Variants in BTNL2 observed in about 807,000 individuals in gnomAD.
BTNL2 encodes the protein butyrophilin like 2, also known as butyrophilin-like protein 2.
In BTNL2, 46 loss-of-function variants were observed where a neutral mutation model predicts 46.8. The observed-to-expected ratio is 0.98, with a 90% CI of 0.78 to 1.26. The LOEUF is 1.26. Ranked by LOEUF, BTNL2 falls within the 50% of genes most tolerant of loss-of-function variation. The probability of loss-of-function intolerance (pLI) is 0.00; values close to 1 mark genes in which losing one functional copy is unlikely to be tolerated. For synonymous variants in BTNL2, 226 were observed against 229.1 expected, an observed-to-expected ratio of 0.99 and a Z score of 0.12; for missense variants, 461 against 592.6, an observed-to-expected ratio of 0.78 and a Z score of 2.31.
chr6:32,396,142 G>C lies in BTNL2; in HGVS notation c.975C>G (p.Thr325=), dbSNP rs1465468807. Residue 325 remains threonine (T), a synonymous_variant, in exon 5 of 8, where the codon ACC becomes ACG. Transcript: ENST00000454136. The surrounding 1 kb of genome is among the most constrained non-coding windows in gnomAD (Gnocchi z 4.4). ...VSDAIDEGRL[T]LQILSARPSD... is the part of the protein sequence containing the mutation. Reference sequence around the variant, plus strand: ...AAGGTCTGGCACTGAGTATCTGCAGGGTCAGTCTGCCCTCGTCAATGGCGT... The same window carrying C: ...AAGGTCTGGCACTGAGTATCTGCAGCGTCAGTCTGCCCTCGTCAATGGCGT... 6.2e-7 allele frequency: 1 copy of C among 1,613,034 alleles called. No homozygotes were observed. The highest frequency in any genetic ancestry group is 1.7e-5 in the Admixed American group (1 of 60,014).
At chr6:32,405,809 TTTTTTTTTG>T (rs1179093568) in intron 1 of BTNL2, among the ~76,000 whole-genome samples, 78 of 83,896 alleles carry the variant, frequency 9.3e-4, no homozygotes, top group African/African-American at 3.2e-3. Context: ...TAAAAACTGT[TTTTTTTTTG>T]TTTTTTTTTT....
At position 32,399,482 on chromosome 6, in the gene BTNL2, T is replaced by G. The variant is rs2294884; in HGVS notation, c.730+2303A>C. Among the ~76,000 whole-genome samples, 27,063 of 152,132 alleles carry G rather than the reference T, an allele frequency of 0.18. 2,691 individuals are homozygous for G. The highest frequency in any genetic ancestry group is 0.22 in the East Asian group (1,113 of 5,176). On this transcript the variant is annotated intron_variant, in intron 4 of 7. Transcript: ENST00000454136. This position sits in a 1 kb window ranked among gnomAD's most constrained non-coding sequence, Gnocchi z 5.2. ...AATCTCTTAGAACTGGACACTACAT[T>G]AGAGATTAAATTCAACCTGTTCACT...
At chr6:32,397,431 AC>A (rs1185907510) in intron 4 of BTNL2, among the ~76,000 whole-genome samples, 26 of 152,252 alleles carry the variant, frequency 1.7e-4, no homozygotes, top group East Asian at 3.9e-4. Context: ...ATGCTGTCTG[AC>A]CAAATTGCTG....
intron 2 of BTNL2, 90 bp from the exon 3 acceptor site, chr6:32,403,306 G>A: frequency 7.0e-7 from 1 of 1,424,494 alleles, no homozygotes; most frequent in Non-Finnish European, 9.4e-7. Flanking sequence ...CTCACAGGGA[G>A]GTGGCCGGAG....
rs1194748271 is a variant in BTNL2 at position 32,396,974 on chromosome 6, T to C, written c.731-588A>G. Reference sequence around the variant, plus strand: ...CAGGCTGGGTGACAAAGCGAGACTTTAAAAACAAACAAACAAAAAACACCC... The same window carrying C: ...CAGGCTGGGTGACAAAGCGAGACTTCAAAAACAAACAAACAAAAAACACCC... On this transcript the variant is annotated intron_variant, in intron 4 of 7. Coordinates refer to ENST00000454136, the MANE Select transcript of BTNL2 (RefSeq NM_001304561.2). This position sits in a 1 kb window ranked among gnomAD's most constrained non-coding sequence, Gnocchi z 4.4. 6.7e-6 allele frequency among the ~76,000 whole-genome samples: 1 copy of C among 148,452 alleles called. No individual in the cohort carries two copies. Among genetic ancestry groups the C allele is most frequent in the Non-Finnish European group, 1.5e-5 (1 of 67,264 alleles).
At chr6:32,406,741 C>CTTTTTTTT in intron 1 of BTNL2, 1 of 200,722 alleles carries the variant, frequency 5.0e-6, no homozygotes, top group East Asian at 1.1e-4. Context: ...GATTCAAGTG[C>CTTTTTTTT]TTTTAATGTC....
At position 32,402,959 on chromosome 6, in the gene BTNL2, T is replaced by A; in HGVS notation, c.685A>T (p.Lys229Ter). The A allele has an allele frequency of 6.2e-7, 1 of 1,612,904 alleles. No individual in the cohort carries two copies. ...CCTGGGAGGCTGATGACCGACCCCTTCTCCTCAGTGAGGACGGGGTTGTGG... is the reference window on the plus strand; with the variant it reads ...CCTGGGAGGCTGATGACCGACCCCTACTCCTCAGTGAGGACGGGGTTGTGG... ...LVHNPVLTEE[K>*]GSVISLPEKL... The change falls in exon 3 of 8, where the codon AAG (lysine) becomes TAG (stop). Residue 229 changes from lysine (K) to a stop codon, truncating the protein, a stop_gained. Coordinates refer to ENST00000454136, the MANE Select transcript of BTNL2 (RefSeq NM_001304561.2). LOFTEE classifies it high-confidence loss of function.
At chr6:32,395,068 G>A (rs929482499) in intron 5 of BTNL2, 43 bp from the exon 6 acceptor site, 2 of 1,514,752 alleles carry the variant, frequency 1.3e-6, no homozygotes, top group Admixed American at 4.3e-5. Flanking sequence ...CCTTTCAAGT[G>A]GATGAGTGGG....
rs537849709 is a variant in BTNL2 at position 32,401,024 on chromosome 6, C to T, written c.730+761G>A. 8.0e-5 allele frequency among the ~76,000 whole-genome samples: 11 copies of T among 137,178 alleles called. 1 individual carries two copies. The highest frequency in any genetic ancestry group is 7.5e-3 in the Middle Eastern group (2 of 266). The allele number at this position is 137,178 out of a possible 152,430, so 90.0% of individuals were successfully genotyped here. On this transcript the variant is annotated intron_variant, in intron 4 of 7. Coordinates refer to ENST00000454136, the MANE Select transcript of BTNL2 (RefSeq NM_001304561.2). ...GAGATCGAGACCATCCTGGCTAACA[C>T]GGTGAAATCTCGTCTCTACTAAAAA...
chr6:32,400,783 C>T (rs9268486), intron 4 of BTNL2, among the ~76,000 whole-genome samples: 37,431 of 114,766 alleles, frequency 0.33, 8,094 homozygotes, highest in Non-Finnish European at 0.38. Flanking sequence ...TGTGGTGGCG[C>T]ATGCCTGTAG....
chr6:32,398,681 C>A (rs1395793812), intron 4 of BTNL2, among the ~76,000 whole-genome samples: 1 of 152,152 alleles, frequency 6.6e-6, no homozygotes, highest in Admixed American at 6.5e-5. Flanking sequence ...AACTGGCTTG[C>A]CCTGCCTGAC....
chr6:32,405,879 T>C (rs1777118018), intron 1 of BTNL2, among the ~76,000 whole-genome samples: 1 of 152,090 alleles, frequency 6.6e-6, no homozygotes, highest in African/African-American at 2.4e-5. Context: ...ACTGGGACTA[T>C]GTACAATGCA....
At chr6:32,397,114 GCA>G (rs9279629) in intron 4 of BTNL2, among the ~76,000 whole-genome samples, 36,208 of 151,942 alleles carry the variant, frequency 0.24, 4,508 homozygotes, top group Admixed American at 0.29. Flanking sequence ...AACTTAGGTT[GCA>G]GTTTGTTACA....
chr6:32,396,076 A>G lies in BTNL2; in HGVS notation c.1041T>C (p.Asp347=). The G allele has an allele frequency of 6.2e-7, 1 of 1,613,048 alleles. No homozygotes were observed. The highest frequency in any genetic ancestry group is 2.2e-5 in the East Asian group (1 of 44,886). ...GATCCAAACTGGCCTCCTGGTAGAC[A>G]TCATCTTTTTCAAAAAGGCAGCGGT... is the stretch of plus-strand genomic sequence containing the variant. ...GQYRCLFEKD[D]VYQEASLDLK... is the part of the protein sequence containing the mutation. Residue 347 remains aspartate (D), a synonymous_variant, in exon 5 of 8, where the codon GAT becomes GAC. Coordinates refer to ENST00000454136, the MANE Select transcript of BTNL2 (RefSeq NM_001304561.2). The surrounding 1 kb of genome is among the most constrained non-coding windows in gnomAD (Gnocchi z 4.4).
At position 32,394,171 on chromosome 6, in the gene BTNL2, C is replaced by G; in HGVS notation, c.1361-114G>C. 1 of 1,441,530 alleles carries G rather than the reference C, an allele frequency of 6.9e-7. No individual in the cohort carries two copies. 89.3% of individuals were successfully genotyped at this position (1,441,530 alleles called of 1,614,324 possible). A position where few individuals can be genotyped will look rare whatever the true frequency, so the allele number is the denominator to read the frequency against. On this transcript the variant is annotated intron_variant, in intron 6 of 7. Coordinates refer to ENST00000454136, the MANE Select transcript of BTNL2 (RefSeq NM_001304561.2). The surrounding 1 kb of genome is among the most constrained non-coding windows in gnomAD (Gnocchi z 4.6). ...AGAGAAGGGAGAGAATTTGGCCTCC[C>G]AGGAAGCAGTTGGCCTGCTCCTCCC...
Position 32,394,980 on chromosome 6 carries a change from C to A in BTNL2, c.1124G>T (p.Gly375Val). ...TGAAGAGCACATCGGCTGCATTTCT[C>A]CATCTTCTTGCCCCTCCACAGTGAT... ...PLITVEGQED[G>V]EMQPMCSSDG... The change falls in exon 6 of 8, where the codon GGA (glycine) becomes GTA (valine). Residue 375 changes from glycine (G) to valine (V), a missense_variant. Physicochemically the swap from Gly to Val is moderately radical, Grantham distance 109. Transcript: ENST00000454136. The surrounding 1 kb of genome is among the most constrained non-coding windows in gnomAD (Gnocchi z 4.6). The A allele has an allele frequency of 6.2e-7, 1 of 1,612,158 alleles. No homozygotes were observed. The highest frequency in any genetic ancestry group is 8.5e-7 in the Non-Finnish European group (1 of 1,178,786).
chr6:32,405,089 C>A lies in BTNL2; in HGVS notation c.277G>T (p.Gly93Cys). 6.2e-7 allele frequency: 1 copy of A among 1,613,082 alleles called. No individual in the cohort carries two copies. The highest frequency in any genetic ancestry group is 1.1e-5 in the South Asian group (1 of 91,084). Residue 93 changes from glycine to cysteine, a missense_variant, in exon 2 of 8, where the codon GGC (glycine) becomes TGC (cysteine). Gly to Cys is a radical substitution (Grantham distance 159). Coordinates refer to ENST00000454136, the MANE Select transcript of BTNL2 (RefSeq NM_001304561.2). ...VTEMQMEEYR[G>C]WVEWIENGIA... Reference sequence around the variant, plus strand: ...CCATTCTCTATCCACTCTACCCAGCCTCTGTACTCCTCCATCTGCATCTCA... The same window carrying A: ...CCATTCTCTATCCACTCTACCCAGCATCTGTACTCCTCCATCTGCATCTCA...
At chr6:32,405,808 TTTTTTTTTTG>T (rs1280033320) in intron 1 of BTNL2, among the ~76,000 whole-genome samples, 4 of 25,194 alleles carry the variant, frequency 1.6e-4, no homozygotes, top group African/African-American at 4.4e-4. Flanking sequence ...ATAAAAACTG[TTTTTTTTTTG>T]TTTTTTTTTT....
chr6:32,404,832 G>T, intron 2 of BTNL2, 107 bp downstream of exon 2: 1 of 1,082,478 alleles, frequency 9.2e-7, no homozygotes, highest in Non-Finnish European at 1.4e-6. Context: ...CTAAGCATTA[G>T]GAATTACCTT....
Sources: gnomAD v4.1 joint callset for allele counts (sites outside exome capture counted in the v4.1 genomes callset) on GRCh38, gnomAD v4.1.1 for gene constraint, Gnocchi (gnomAD v3.1) non-coding constraint, MANE v1.5 for transcripts, NCBI Gene and HGNC (gene_info 2026-07-23, HGNC 2026-07-21) for gene names.